Variants in SRP54 observed in about 807,000 individuals in gnomAD.
The protein encoded by SRP54 is signal recognition particle subunit SRP54.
SRP54 carries 10 observed loss-of-function variants against 64.8 expected under a neutral mutation model. The ratio of observed to expected loss-of-function variants is 0.15; its 90% CI spans 0.10 to 0.26. The LOEUF is 0.26. Ranked by LOEUF, SRP54 falls within the 10% of genes least tolerant of loss-of-function variation. The probability of loss-of-function intolerance (pLI) is 1.00; values close to 1 mark genes in which losing one functional copy is unlikely to be tolerated. For missense variants in SRP54, 325 were observed against 613.7 expected (o/e 0.53, Z 4.97); for synonymous variants, 193 against 185.6 (o/e 1.04, Z -0.32).
At chr14:35,024,364 A>T (rs1038676853) in intron 14 of SRP54, among the ~76,000 whole-genome samples, 8 of 152,036 alleles carry the variant, frequency 5.3e-5, no homozygotes, top group African/African-American at 1.9e-4. Context: ...TTTTCTCAAT[A>T]TGTGTTTTTA....
intron 13 of SRP54, among the ~76,000 whole-genome samples, chr14:35,021,218 CAAATT>C (rs1333706293): frequency 6.6e-6 from 1 of 152,044 alleles, no homozygotes; most frequent in African/African-American, 2.4e-5. Flanking sequence ...TATGTATAGA[CAAATT>C]AAAAGATGTA....
At chr14:35,021,732 A>G (rs1352192447) in intron 13 of SRP54, among the ~76,000 whole-genome samples, 1 of 152,266 alleles carries the variant, frequency 6.6e-6, no homozygotes, top group African/African-American at 2.4e-5. Flanking sequence ...TTTCAATTTA[A>G]TATGTGTAAA....
chr14:35,026,475 C>T (rs975326063), intron 14 of SRP54, among the ~76,000 whole-genome samples: 1 of 152,006 alleles, frequency 6.6e-6, no homozygotes, highest in African/African-American at 2.4e-5. Context: ...CTCAAGTAAT[C>T]AGCCTACCTT....
At chr14:35,003,676 C>T (rs74564132) in intron 4 of SRP54, among the ~76,000 whole-genome samples, 25,622 of 149,850 alleles carry the variant, frequency 0.17, 2,363 homozygotes, top group East Asian at 0.31. Flanking sequence ...CTCAGGTGAT[C>T]CCTACACCTG....
chr14:35,002,739 T>C (rs1207233670), intron 4 of SRP54, among the ~76,000 whole-genome samples: 11 of 21,288 alleles, frequency 5.2e-4, no homozygotes, highest in Non-Finnish European at 1.3e-3. Flanking sequence ...CTGGCCTCCT[T>C]TTTTTTTTTT....
chr14:34,986,335 T>C (rs1254220403), intron 1 of SRP54, among the ~76,000 whole-genome samples: 2 of 151,988 alleles, frequency 1.3e-5, no homozygotes, highest in African/African-American at 4.8e-5. Flanking sequence ...TTGAAGGGAG[T>C]CTTGTGTTAA....
rs1380760860 is a variant in SRP54 at position 34,999,451 on chromosome 14, A to C, written c.79-107A>C. 3 of 704,046 alleles carry C rather than the reference A, an allele frequency of 4.3e-6. No homozygotes were observed. In the East Asian group the frequency reaches 7.6e-5, roughly 18 times the overall value. 43.6% of individuals were successfully genotyped at this position (704,046 alleles called of 1,614,324 possible). A position where few individuals can be genotyped will look rare whatever the true frequency, so the allele number is the denominator to read the frequency against. ...CCAAGAACTAACTGAAAAACCCAGT[A>C]GTGTGGTATTACTAAGCTGTGGTTA... is the stretch of plus-strand genomic sequence containing the variant. On this transcript the variant is annotated intron_variant, in intron 2 of 15. Transcript: ENST00000216774.
At chr14:34,987,570 T>C (rs939826829) in intron 1 of SRP54, among the ~76,000 whole-genome samples, 2 of 152,114 alleles carry the variant, frequency 1.3e-5, no homozygotes, top group Non-Finnish European at 2.9e-5. Context: ...TTTTCACTTA[T>C]GTTTCGAAGA....
At chr14:34,991,606 A>G (rs1055689521) in intron 1 of SRP54, among the ~76,000 whole-genome samples, 6 of 151,076 alleles carry the variant, frequency 4.0e-5, no homozygotes, top group African/African-American at 1.5e-4. Flanking sequence ...GAAATGAGGG[A>G]GGGAGTTATG....
At chr14:35,002,327 C>A (rs1348646249) in intron 4 of SRP54, among the ~76,000 whole-genome samples, 1 of 152,040 alleles carries the variant, frequency 6.6e-6, no homozygotes, top group Non-Finnish European at 1.5e-5. Flanking sequence ...GCACTCCCGA[C>A]TGGGGGAGAG....
At chr14:35,014,953 T>C (rs540311298) in intron 11 of SRP54, 123 bp downstream of exon 11, 2 of 610,366 alleles carry the variant, frequency 3.3e-6, no homozygotes, top group Non-Finnish European at 5.6e-6. Context: ...TGCTTATTAT[T>C]TTAGATGATT....
intron 6 of SRP54, 31 bp downstream of exon 6, chr14:35,008,724 T>C: frequency 1.2e-6 from 2 of 1,604,230 alleles, no homozygotes; most frequent in Non-Finnish European, 1.7e-6. Context: ...AATTGTTTTA[T>C]ATAATTTTTA....
intron 9 of SRP54, 50 bp from the exon 10 acceptor site, chr14:35,013,752 A>G (rs771415840): frequency 6.7e-7 from 1 of 1,499,754 alleles, no homozygotes; most frequent in Admixed American, 1.9e-5. Flanking sequence ...ATCTGCTGGA[A>G]ATTTGTGGGG....
At chr14:34,985,229 G>A (rs1217505422) in intron 1 of SRP54, among the ~76,000 whole-genome samples, 5 of 151,942 alleles carry the variant, frequency 3.3e-5, no homozygotes, top group African/African-American at 1.2e-4. Flanking sequence ...CTAGTTGGAG[G>A]GATAATGAAA....
intron 4 of SRP54, 98 bp downstream of exon 4, chr14:35,001,118 G>A: frequency 2.3e-6 from 1 of 428,728 alleles, no homozygotes; most frequent in East Asian, 4.3e-5. Flanking sequence ...TGTTTTTTAT[G>A]GAATATTCAT....
At chr14:34,983,303 G>T (rs1442893527) in intron 1 of SRP54, 88 bp downstream of exon 1, 1 of 152,282 alleles carries the variant, frequency 6.6e-6, no homozygotes, top group Non-Finnish European at 1.5e-5. Context: ...GACTCCGGGG[G>T]AAGTCGGCCT....
rs1192409608 is a variant in SRP54, at chr14:35,007,315, C to T, written c.288C>T (p.Pro96=). 6.3e-7 allele frequency: 1 copy of T among 1,592,094 alleles called. No individual in the cohort carries two copies. Among genetic ancestry groups the T allele is most frequent in the African/African-American group, 1.3e-5 (1 of 74,522 alleles). ...ACCCTGGAGTTAAGGCATGGACACC[C>T]ACTAAAGGAAAACAAAATGTGATTA... ...LVDPGVKAWT[P]TKGKQNVIMF... is the part of the protein sequence containing the mutation. The change falls in exon 5 of 16, where the codon CCC becomes CCT. Residue 96 remains proline, a synonymous_variant. Coordinates refer to ENST00000216774, the MANE Select transcript of SRP54 (RefSeq NM_003136.4).
intron 1 of SRP54, among the ~76,000 whole-genome samples, chr14:34,994,120 A>C (rs1222197538): frequency 6.6e-6 from 1 of 151,878 alleles, no homozygotes; most frequent in Non-Finnish European, 1.5e-5. Context: ...CAGCCTTCTG[A>C]GTAGCTGGAA....
At chr14:35,011,414 C>G in intron 7 of SRP54, 95 bp from the exon 8 acceptor site, 1 of 1,060,692 alleles carries the variant, frequency 9.4e-7, no homozygotes, top group Non-Finnish European at 1.3e-6. Context: ...GTCATTTTGG[C>G]TTTTTCAAAA....
Sources: allele counts gnomAD v4.1 joint callset (sites outside exome capture counted in the v4.1 genomes callset), GRCh38; gene constraint gnomAD v4.1.1; transcripts MANE v1.5; gene names NCBI Gene and HGNC (gene_info 2026-07-23, HGNC 2026-07-21).